MRAP2: variants seen among roughly 807,000 people sequenced by gnomAD.
MRAP2 encodes the protein melanocortin-2 receptor accessory protein 2.
MRAP2 carries 20 observed loss-of-function variants against 17.4 expected under a neutral mutation model. The ratio of observed to expected loss-of-function variants is 1.15; its 90% CI spans 0.81 to 1.67. The LOEUF (loss-of-function observed/expected upper bound fraction) is 1.67, where lower values mean the gene tolerates loss of function less well. MRAP2 is among the 40% of genes most tolerant of loss of function. MRAP2 has a pLI of 0.00. For missense variants in MRAP2, 238 were observed against 240.0 expected, an observed-to-expected ratio of 0.99 and a Z score of 0.05; for synonymous variants, 96 against 88.4, an observed-to-expected ratio of 1.09 and a Z score of -0.48.
chr6:84,111,001 T>G, the MRAP2 span, among the ~76,000 whole-genome samples: 1 of 152,200 alleles, frequency 6.6e-6, no homozygotes, highest in Non-Finnish European at 1.5e-5. Flanking sequence ...TTGGTTACTG[T>G]AGCCTTGTAG....
At chr6:84,118,514 A>G in the MRAP2 span, among the ~76,000 whole-genome samples, 2 of 152,138 alleles carry the variant, frequency 1.3e-5, no homozygotes, top group East Asian at 3.9e-4. Context: ...TTAAAGAAGC[A>G]GTCTGACCAC....
chr6:84,047,923 C>T (rs543156662), intron 1 of MRAP2, among the ~76,000 whole-genome samples: 1 of 152,298 alleles, frequency 6.6e-6, no homozygotes, highest in Non-Finnish European at 1.5e-5. Flanking sequence ...ATGTTTTCAA[C>T]GTTCATCAAT....
intron 2 of MRAP2, 138 bp from the exon 3 acceptor site, chr6:84,062,755 C>T: frequency 6.8e-7 from 1 of 1,470,582 alleles, no homozygotes; most frequent in Non-Finnish European, 9.0e-7. Flanking sequence ...TCTTATCAGT[C>T]TCCAGCCAAC....
the MRAP2 span, among the ~76,000 whole-genome samples, chr6:84,146,184 C>T: frequency 6.6e-6 from 1 of 152,138 alleles, no homozygotes; most frequent in African/African-American, 2.4e-5. Context: ...AAGCTACCAA[C>T]TTGGAGAGTT....
the MRAP2 span, among the ~76,000 whole-genome samples, chr6:84,130,694 G>A: frequency 1.4e-4 from 21 of 152,128 alleles, no homozygotes; most frequent in Middle Eastern, 6.8e-3. Context: ...CTGTGGGATC[G>A]GTGGTGATAT....
rs113455096 is a variant in MRAP2 at position 84,037,496 on chromosome 6, C to T, written c.-8+3613C>T. Among the ~76,000 whole-genome samples the T allele has an allele frequency of 2.9e-3, 437 of 152,238 alleles. 1 individual carries two copies. Among genetic ancestry groups the T allele is most frequent in the African/African-American group, 9.9e-3 (412 of 41,492 alleles). ...AAGCCTGCACTCCTCAGCCCTTGGG[C>T]GGTTGATGGGACCAGGCGCCATGGA... On this transcript the variant is annotated intron_variant, in intron 1 of 3. Coordinates refer to ENST00000257776, the MANE Select transcript of MRAP2 (RefSeq NM_138409.4).
At chr6:84,064,763 A>T (rs1199882529) in intron 3 of MRAP2, among the ~76,000 whole-genome samples, 2 of 152,168 alleles carry the variant, frequency 1.3e-5, no homozygotes, top group Non-Finnish European at 2.9e-5. Context: ...CTGGGATTAC[A>T]GGCGTGAGCC....
At chr6:84,072,276 G>A (rs1459214539) in intron 3 of MRAP2, among the ~76,000 whole-genome samples, 3 of 152,212 alleles carry the variant, frequency 2.0e-5, no homozygotes, top group Non-Finnish European at 4.4e-5. Flanking sequence ...TTCCCTTGGT[G>A]TAGTACTCTC....
At chr6:84,135,150 C>A in the MRAP2 span, among the ~76,000 whole-genome samples, 1 of 151,976 alleles carries the variant, frequency 6.6e-6, no homozygotes, top group South Asian at 2.1e-4. Flanking sequence ...TGATTTTATA[C>A]CTTCTAATTG....
At chr6:84,111,968 TG>T in the MRAP2 span, among the ~76,000 whole-genome samples, 1 of 152,218 alleles carries the variant, frequency 6.6e-6, no homozygotes, top group African/African-American at 2.4e-5. Context: ...TTGATCATTG[TG>T]GATAAGCTTT....
chr6:84,049,596 CTTAA>C (rs2099489876), intron 1 of MRAP2, among the ~76,000 whole-genome samples: 1 of 152,180 alleles, frequency 6.6e-6, no homozygotes, highest in African/African-American at 2.4e-5. Context: ...GTGCCCACTT[CTTAA>C]TTAAGCAATT....
At chr6:84,062,242 C>A in intron 2 of MRAP2, 1 of 369,248 alleles carries the variant, frequency 2.7e-6, no homozygotes, top group Non-Finnish European at 3.8e-6. Context: ...GTAACAATAG[C>A]TCAGTCTCAG....
intron 1 of MRAP2, among the ~76,000 whole-genome samples, chr6:84,036,390 G>T (rs1276298679): frequency 2.6e-5 from 4 of 152,160 alleles, no homozygotes; most frequent in South Asian, 4.1e-4. Context: ...GTGGGTTCTT[G>T]GTCTCACTGA....
chr6:84,093,990 C>T (rs2099502224), downstream of MRAP2, among the ~76,000 whole-genome samples: 1 of 152,138 alleles, frequency 6.6e-6, no homozygotes, highest in South Asian at 2.1e-4. Context: ...AGAAAACGAA[C>T]CAGCCTGGCT....
At chr6:84,065,316 T>C (rs540224128) in intron 3 of MRAP2, among the ~76,000 whole-genome samples, 2 of 152,264 alleles carry the variant, frequency 1.3e-5, no homozygotes, top group Admixed American at 6.5e-5. Flanking sequence ...ACAAACATTT[T>C]AAATGAAAGG....
intron 3 of MRAP2, among the ~76,000 whole-genome samples, chr6:84,080,748 C>T (rs2099498764): frequency 6.6e-6 from 1 of 152,104 alleles, no homozygotes; most frequent in Admixed American, 6.5e-5. Context: ...ACAAAGTTTA[C>T]AAACAAAAGT....
At chr6:84,135,069 GTATT>G in the MRAP2 span, among the ~76,000 whole-genome samples, 3 of 151,810 alleles carry the variant, frequency 2.0e-5, no homozygotes, top group South Asian at 4.1e-4. Flanking sequence ...CACAATATTT[GTATT>G]TATTTATGAA....
chr6:84,034,412 A>C (rs998936888), intron 1 of MRAP2, among the ~76,000 whole-genome samples: 42 of 151,980 alleles, frequency 2.8e-4, no homozygotes, highest in African/African-American at 9.9e-4. Flanking sequence ...TGGACTGGGG[A>C]GCCTGCTCGC....
chr6:84,090,732 AATC>A lies in MRAP2; in HGVS notation c.*1253_*1255del, dbSNP rs1198844394. ...CAACACAGCTTTAATTTCATGGAGG[AATC>A]AAAGCTGCACACTGGTATTAAAACA... On this transcript the variant is annotated 3_prime_UTR_variant, in exon 4 of 4. Transcript: ENST00000257776. 6.6e-6 allele frequency: 1 copy of A among 152,136 alleles called. No individual in the cohort carries two copies. The highest frequency in any genetic ancestry group is 1.9e-4 in the East Asian group (1 of 5,196). The allele number at this position is 152,136 out of a possible 1,614,324, so 9.4% of individuals were successfully genotyped here.
Sources: gnomAD v4.1 joint callset for allele counts (sites outside exome capture counted in the v4.1 genomes callset) on GRCh38, gnomAD v4.1.1 for gene constraint, MANE v1.5 for transcripts, NCBI Gene and HGNC (gene_info 2026-07-23, HGNC 2026-07-21) for gene names.